Variants in TBC1D22A observed in about 807,000 individuals in gnomAD.
TBC1D22A encodes the protein putative GTPase activator.
Under a neutral mutation model 60.2 loss-of-function variants are expected in TBC1D22A, and 38 were observed. That is an observed-to-expected ratio of 0.63 (90% CI 0.49 to 0.83). The LOEUF (loss-of-function observed/expected upper bound fraction) is 0.83, where lower values mean the gene tolerates loss of function less well. TBC1D22A is among the 40% of genes least tolerant of loss of function. TBC1D22A has a pLI of 0.00. For synonymous variants in TBC1D22A, 302 were observed against 281.7 expected (o/e 1.07, Z -0.72); for missense variants, 628 against 701.0 (o/e 0.90, Z 1.18).
At chr22:47,029,737 A>G (rs1249699509) in intron 10 of TBC1D22A, among the ~76,000 whole-genome samples, 3 of 152,226 alleles carry the variant, frequency 2.0e-5, no homozygotes, top group African/African-American at 4.8e-5. Flanking sequence ...CTGTGGGTCC[A>G]TGATTCTGCT....
At chr22:46,786,506 G>C (rs144071624) in intron 1 of TBC1D22A, among the ~76,000 whole-genome samples, 4 of 152,032 alleles carry the variant, frequency 2.6e-5, no homozygotes, top group African/African-American at 9.7e-5. Flanking sequence ...TTGGTATCAC[G>C]GTAGTACTTG....
At chr22:46,858,147 G>C (rs1442503519) in intron 4 of TBC1D22A, among the ~76,000 whole-genome samples, 1 of 152,128 alleles carries the variant, frequency 6.6e-6, no homozygotes, top group Non-Finnish European at 1.5e-5. Flanking sequence ...ATCCTTCTGT[G>C]ATCCCACATT....
intron 8 of TBC1D22A, among the ~76,000 whole-genome samples, chr22:46,922,248 CTGT>C (rs2070800804): frequency 6.6e-6 from 1 of 152,076 alleles, no homozygotes; most frequent in Admixed American, 6.5e-5. Context: ...GTCTGTGTGT[CTGT>C]TTTTGTTATT....
chr22:46,876,533 C>T (rs1318918491), intron 4 of TBC1D22A, among the ~76,000 whole-genome samples: 1 of 152,222 alleles, frequency 6.6e-6, no homozygotes, highest in Non-Finnish European at 1.5e-5. Flanking sequence ...TGGCGTCATT[C>T]CTCAGGCTGG....
intron 10 of TBC1D22A, among the ~76,000 whole-genome samples, chr22:47,005,750 ATACACACACACACC>A (rs2061568276): frequency 1.3e-5 from 2 of 151,458 alleles, no homozygotes; most frequent in African/African-American, 4.9e-5. Context: ...ACACTCCCGT[ATACACACACACACC>A]TACACACATA....
intron 8 of TBC1D22A, among the ~76,000 whole-genome samples, chr22:46,967,052 G>A (rs186691815): frequency 2.0e-5 from 3 of 152,286 alleles, no homozygotes; most frequent in African/African-American, 7.2e-5. Context: ...CCAACGTCTC[G>A]CCCTCCCACC....
At chr22:47,013,307 C>G (rs2061811888) in intron 10 of TBC1D22A, among the ~76,000 whole-genome samples, 1 of 152,060 alleles carries the variant, frequency 6.6e-6, no homozygotes, top group Admixed American at 6.5e-5. Context: ...GGCTCATGAT[C>G]CAGCCACTTT....
intron 8 of TBC1D22A, among the ~76,000 whole-genome samples, chr22:46,964,824 G>A (rs1396987038): frequency 6.6e-6 from 1 of 152,222 alleles, no homozygotes; most frequent in Non-Finnish European, 1.5e-5. Context: ...CCCGATTCCT[G>A]GCAAGGCCAT....
intron 4 of TBC1D22A, among the ~76,000 whole-genome samples, chr22:46,867,323 A>G (rs1252736832): frequency 2.6e-5 from 4 of 152,118 alleles, no homozygotes; most frequent in Non-Finnish European, 5.9e-5. Context: ...GCCTGGCACA[A>G]CCTCTGGCAC....
At chr22:46,944,831 TGTTG>T (rs2072429724) in intron 8 of TBC1D22A, among the ~76,000 whole-genome samples, 1 of 152,260 alleles carries the variant, frequency 6.6e-6, no homozygotes, top group Middle Eastern at 3.2e-3. Context: ...TTGCCTTTTT[TGTTG>T]GTTAGAGGAA....
chr22:46,785,064 G>A (rs1601850367), intron 1 of TBC1D22A, among the ~76,000 whole-genome samples: 1 of 152,210 alleles, frequency 6.6e-6, no homozygotes, highest in East Asian at 1.9e-4. Flanking sequence ...TAAGCAGGCT[G>A]TATCTTTTTC....
chr22:46,812,170 C>T (rs759443012), intron 4 of TBC1D22A, among the ~76,000 whole-genome samples: 11 of 152,074 alleles, frequency 7.2e-5, no homozygotes, highest in African/African-American at 2.2e-4. Context: ...GTGGGGGTGA[C>T]ACTTTGAAAT....
chr22:46,970,511 C>T (rs1489129355), intron 8 of TBC1D22A, among the ~76,000 whole-genome samples: 1 of 152,146 alleles, frequency 6.6e-6, no homozygotes, highest in Non-Finnish European at 1.5e-5. Flanking sequence ...TAAACCTGTC[C>T]TCCTTGTTGT....
At chr22:47,095,258 C>G (rs987480707) in intron 11 of TBC1D22A, among the ~76,000 whole-genome samples, 3 of 152,250 alleles carry the variant, frequency 2.0e-5, no homozygotes, top group African/African-American at 7.2e-5. Context: ...GAAACAATTT[C>G]TGTCATTTGA....
At chr22:47,005,459 A>C (rs1364716919) in intron 10 of TBC1D22A, among the ~76,000 whole-genome samples, 2 of 151,612 alleles carry the variant, frequency 1.3e-5, no homozygotes, top group African/African-American at 4.9e-5. Context: ...ATGCCTATAC[A>C]CCCACCATAT....
At chr22:46,884,150 T>G (rs530562510) in intron 5 of TBC1D22A, among the ~76,000 whole-genome samples, 1 of 151,614 alleles carries the variant, frequency 6.6e-6, no homozygotes, top group South Asian at 2.1e-4. Context: ...AGAAGTAGAT[T>G]TGATGTGCTG....
Position 47,031,020 on chromosome 22 carries a change from G to C in TBC1D22A, c.1202-6051G>C, listed in dbSNP as rs150882322. On this transcript the variant is annotated intron_variant, in intron 10 of 12. Coordinates refer to ENST00000337137, the MANE Select transcript of TBC1D22A (RefSeq NM_014346.5). ...TCCGTGTGAAGAAGGACACTCCCCG[G>C]TGCCTTCTGGATGGATGTCCCATGG... 4.4e-3 allele frequency among the ~76,000 whole-genome samples: 672 copies of C among 152,338 alleles called. 3 individuals are homozygous for C. The highest frequency in any genetic ancestry group is 0.014 in the Middle Eastern group (4 of 294).
chr22:46,854,691 C>G (rs1312149216), intron 4 of TBC1D22A, among the ~76,000 whole-genome samples: 2 of 152,192 alleles, frequency 1.3e-5, no homozygotes, highest in African/African-American at 2.4e-5. Context: ...TCCCTCTTCC[C>G]CCTGCGATGC....
chr22:47,040,872 C>A (rs1304406567), intron 11 of TBC1D22A, among the ~76,000 whole-genome samples: 1 of 152,150 alleles, frequency 6.6e-6, no homozygotes, highest in Non-Finnish European at 1.5e-5. Flanking sequence ...GCCAAGCCGG[C>A]CTCCTGGGCC....
Sources: allele counts gnomAD v4.1 joint callset (sites outside exome capture counted in the v4.1 genomes callset), GRCh38; gene constraint gnomAD v4.1.1; transcripts MANE v1.5; gene names NCBI Gene and HGNC (gene_info 2026-07-23, HGNC 2026-07-21).